KRT76: variants seen among roughly 807,000 people sequenced by gnomAD.
KRT76 encodes the protein keratin, type II cytoskeletal 2 oral.
KRT76 carries 47 observed loss-of-function variants against 44.9 expected under a neutral mutation model. The ratio of observed to expected loss-of-function variants is 1.05; its 90% confidence interval spans 0.83 to 1.33. The LOEUF (loss-of-function observed/expected upper bound fraction) is 1.33, where lower values mean the gene tolerates loss of function less well. Ranked by LOEUF, KRT76 falls within the 40% of genes most tolerant of loss-of-function variation. The pLI, the probability that KRT76 is intolerant of heterozygous loss-of-function variation, is 0.00. For synonymous variants in KRT76, 331 were observed against 294.1 expected, an observed-to-expected ratio of 1.13 and a Z score of -1.28; for missense variants, 860 against 775.8, an observed-to-expected ratio of 1.11 and a Z score of -1.29.
chr12:52,776,872 A>C lies in KRT76; in HGVS notation c.420T>G (p.Phe140Leu), dbSNP rs1939269409. The C allele has an allele frequency of 5.0e-6, 8 of 1,612,398 alleles. No homozygotes were observed. The highest frequency in any genetic ancestry group is 3.4e-5 in the Admixed American group (2 of 59,576). Residue 140 changes from phenylalanine (F) to leucine (L), a missense_variant, in exon 1 of 9, where the codon TTT becomes TTG. Physicochemically the swap from Phe to Leu is conservative, Grantham distance 22. Transcript: ENST00000332411. ...GPGVFGGPGS[F>L]GGPGGFGPGG... ...CAGGGCCAAAGCCACCAGGACCACC[A>C]AAGCTGCCAGGCCCACCAAATACAC...
intron 6 of KRT76, 31 bp from the exon 7 acceptor site, chr12:52,771,250 C>A: frequency 6.2e-7 from 1 of 1,604,064 alleles, no homozygotes; most frequent in Non-Finnish European, 8.5e-7. Flanking sequence ...GCATAGTGAC[C>A]CGGAAACAAA....
intron 2 of KRT76, 91 bp downstream of exon 2, chr12:52,775,297 G>A: frequency 9.0e-7 from 1 of 1,111,214 alleles, no homozygotes. Flanking sequence ...ATTGACTGAA[G>A]GCACAGTTGG....
intron 7 of KRT76, 104 bp downstream of exon 7, chr12:52,770,895 C>T (rs1939168876): frequency 1.4e-6 from 2 of 1,444,676 alleles, no homozygotes; most frequent in South Asian, 1.2e-5. Flanking sequence ...CACTCCTTGC[C>T]CTTTGTCTTA....
chr12:52,772,907 T>A (rs968392437), intron 3 of KRT76, 29 bp from the exon 4 acceptor site: 2 of 1,533,564 alleles, frequency 1.3e-6, no homozygotes, highest in Non-Finnish European at 1.8e-6. Flanking sequence ...ACCCAGAGAA[T>A]GACCCTCTGT....
At chr12:52,775,015 C>T (rs890941247) in intron 2 of KRT76, among the ~76,000 whole-genome samples, 1 of 152,224 alleles carries the variant, frequency 6.6e-6, no homozygotes, top group Non-Finnish European at 1.5e-5. Context: ...GGCCTGTCCA[C>T]ACCTATGATT....
chr12:52,775,784 C>T (rs1359887952), intron 1 of KRT76, among the ~76,000 whole-genome samples, 182 bp from the exon 2 acceptor site: 2 of 152,144 alleles, frequency 1.3e-5, no homozygotes, highest in East Asian at 3.9e-4. Context: ...AGTGATTATG[C>T]CTTACCTGTT....
chr12:52,777,345 T>A lies in KRT76; in HGVS notation c.-54A>T. ...ATCACTTAGCAAGAGCTGAGAGGGA[T>A]AGGGACAAGAGAGGAGACTGGCCTT... On this transcript the variant is annotated 5_prime_UTR_variant, in exon 1 of 9. Coordinates refer to ENST00000332411, the MANE Select transcript of KRT76 (RefSeq NM_015848.4). 1 of 1,607,434 alleles carries A rather than the reference T, an allele frequency of 6.2e-7. No individual in the cohort carries two copies. Among genetic ancestry groups the A allele is most frequent in the Non-Finnish European group, 8.5e-7 (1 of 1,176,852 alleles).
intron 7 of KRT76, 62 bp from the exon 8 acceptor site, chr12:52,769,645 G>A (rs1939148944): frequency 6.1e-6 from 9 of 1,480,474 alleles, no homozygotes; most frequent in Non-Finnish European, 8.5e-6. Flanking sequence ...AGAGTTGAGA[G>A]TTCACAACTT....
intron 8 of KRT76, 111 bp downstream of exon 8, chr12:52,769,438 C>T: frequency 2.2e-6 from 2 of 912,566 alleles, no homozygotes; most frequent in Non-Finnish European, 3.7e-6. Flanking sequence ...TGTCAGGTGG[C>T]CTGACTTCCT....
chr12:52,772,019 A>G (rs1939190526), intron 5 of KRT76, 23 bp from the exon 6 acceptor site: 2 of 1,611,766 alleles, frequency 1.2e-6, no homozygotes, highest in Non-Finnish European at 1.7e-6. Context: ...AAACCAATCA[A>G]CGTGGCTTTT....
chr12:52,771,267 A>T (rs1182608610), intron 6 of KRT76, 48 bp from the exon 7 acceptor site: 2 of 1,563,016 alleles, frequency 1.3e-6, no homozygotes, highest in African/African-American at 1.4e-5. Context: ...CAAACACTTG[A>T]TCCTTACTAG....
Position 52,772,089 on chromosome 12 carries a change from C to T in KRT76, c.1137+5G>A. The T allele has an allele frequency of 1.2e-6, 2 of 1,607,914 alleles. No individual in the cohort carries two copies. Among genetic ancestry groups the T allele is most frequent in the African/African-American group, 1.3e-5 (1 of 74,992 alleles). On this transcript the variant is annotated splice_donor_5th_base_variant and intron_variant, in intron 5 of 8. Coordinates refer to ENST00000332411, the MANE Select transcript of KRT76 (RefSeq NM_015848.4). ...AGGATCCAAGGACACAGGGAGGGTT[C>T]CCACCTTGGTCTGGTACAGGGCCTC...
intron 6 of KRT76, 116 bp from the exon 7 acceptor site, chr12:52,771,335 A>C: frequency 2.0e-6 from 2 of 983,690 alleles, no homozygotes; most frequent in Non-Finnish European, 3.1e-6. Context: ...AGAAATCCCA[A>C]TGGAGCATGC....
At chr12:52,772,392 T>G in intron 4 of KRT76, 134 bp from the exon 5 acceptor site, 1 of 806,558 alleles carries the variant, frequency 1.2e-6, no homozygotes, top group Non-Finnish European at 1.9e-6. Flanking sequence ...ATTTTAGGCC[T>G]GGCTACAGCC....
At chr12:52,776,581 G>C in intron 1 of KRT76, 111 bp downstream of exon 1, 1 of 1,566,656 alleles carries the variant, frequency 6.4e-7, no homozygotes, top group Non-Finnish European at 8.7e-7. Context: ...ACAGCACCAG[G>C]ACAAGAGCCA....
At position 52,772,162 on chromosome 12, in the gene KRT76, C is replaced by G. The variant is rs377337199; in HGVS notation, c.1069G>C (p.Val357Leu). 15 of 1,613,694 alleles carry G rather than the reference C, an allele frequency of 9.3e-6. No individual in the cohort carries two copies. The highest frequency in any genetic ancestry group is 1.3e-5 in the Non-Finnish European group (15 of 1,179,768). Reference protein sequence around the residue: ...CLDLGSIIAEVRAQYEEIAQR... With the variant: ...CLDLGSIIAELRAQYEEIAQR... ...GCAATCTCCTCATACTGGGCGCGGA[C>G]CTCGGCAATGATGCTGCCCAGGTCC... The change falls in exon 5 of 9, where the codon GTC (valine) becomes CTC (leucine). Residue 357 changes from valine to leucine, a missense_variant. By Grantham distance (32) the Val-to-Leu change is conservative (BLOSUM62 1). Transcript: ENST00000332411.
chr12:52,768,941 G>A lies in KRT76; in HGVS notation c.1689C>T (p.Ser563=), dbSNP rs776434825. 1.3e-6 allele frequency: 2 copies of A among 1,488,606 alleles called. No individual in the cohort carries two copies. Among genetic ancestry groups the A allele is most frequent in the East Asian group, 2.3e-5 (1 of 42,754 alleles). The allele number at this position is 1,488,606 out of a possible 1,614,324, so 92.2% of individuals were successfully genotyped here. A position where few individuals can be genotyped will look rare whatever the true frequency, so the allele number is the denominator to read the frequency against. ...GGSGSGYGGV[S]SGSTGGRGSS... ...TACCCCTGCCCCCAGTGCTGCCACT[G>A]CTGACCCCTCCATAGCCACTGCCGC... The change falls in exon 9 of 9, where the codon AGC becomes AGT. Residue 563 remains serine, a synonymous_variant. Transcript: ENST00000332411.
At position 52,768,651 on chromosome 12, in the gene KRT76, G is replaced by A; in HGVS notation, c.*62C>T. 1 of 1,528,394 alleles carries A rather than the reference G, an allele frequency of 6.5e-7. No individual in the cohort carries two copies. The highest frequency in any genetic ancestry group is 1.3e-5 in the South Asian group (1 of 79,220). 94.7% of individuals were successfully genotyped at this position (1,528,394 alleles called of 1,614,324 possible). A position where few individuals can be genotyped will look rare whatever the true frequency, so the allele number is the denominator to read the frequency against. ...TGCATCTATTGATGCCAAGCAGAGAGTGGGAAACACTATTGCAGGCTGAGT... is the reference window on the plus strand; with the variant it reads ...TGCATCTATTGATGCCAAGCAGAGAATGGGAAACACTATTGCAGGCTGAGT... On this transcript the variant is annotated 3_prime_UTR_variant, in exon 9 of 9. Transcript: ENST00000332411.
chr12:52,768,627 G>T lies in KRT76; in HGVS notation c.*86C>A. 5.6e-6 allele frequency: 8 copies of T among 1,437,688 alleles called. No homozygotes were observed. The highest frequency in any genetic ancestry group is 6.6e-6 in the Non-Finnish European group (7 of 1,058,588). 89.1% of individuals were successfully genotyped at this position (1,437,688 alleles called of 1,614,324 possible). A position where few individuals can be genotyped will look rare whatever the true frequency, so the allele number is the denominator to read the frequency against. ...GAGGAAAAATGTGGTTGACCCTTAT[G>T]CATCTATTGATGCCAAGCAGAGAGT... On this transcript the variant is annotated 3_prime_UTR_variant, in exon 9 of 9. Transcript: ENST00000332411.
Sources: gnomAD v4.1 joint callset for allele counts (sites outside exome capture counted in the v4.1 genomes callset) on GRCh38, gnomAD v4.1.1 for gene constraint, MANE v1.5 for transcripts, NCBI Gene and HGNC (gene_info 2026-07-23, HGNC 2026-07-21) for gene names.